Variants in DCUN1D3 observed in about 807,000 individuals in gnomAD.
The protein encoded by DCUN1D3 is DCN1-like protein 3.
DCUN1D3 carries 6 observed loss-of-function variants against 24.8 expected under a neutral mutation model. That is an observed-to-expected ratio of 0.24 (90% CI 0.13 to 0.48). DCUN1D3 has a LOEUF of 0.48. Among genes scored for constraint, DCUN1D3 ranks in the 20% least tolerant of loss-of-function variants. The pLI is 0.99. For synonymous variants in DCUN1D3, 120 were observed against 144.9 expected, an observed-to-expected ratio of 0.83 and a Z score of 1.24; for missense variants, 258 against 379.4, an observed-to-expected ratio of 0.68 and a Z score of 2.66.
chr16:20,889,327 G>A lies in DCUN1D3; in HGVS notation c.-106+10877C>T, dbSNP rs571554662. Among the ~76,000 whole-genome samples the A allele has an allele frequency of 6.6e-5, 10 of 152,240 alleles. No homozygotes were observed. In the South Asian group the frequency reaches 2.1e-3, roughly 32 times the overall value. On this transcript the variant is annotated intron_variant, in intron 1 of 2. Coordinates refer to ENST00000324344, the MANE Select transcript of DCUN1D3 (RefSeq NM_173475.4). ...GAATCGCTTGAACCTGGGAGGGAGA[G>A]GTTGCAGTGAGCTAAGATCGTGCCA...
chr16:20,862,479 T>G lies in DCUN1D3; in HGVS notation c.60A>C (p.Gly20=), dbSNP rs372726114. 3.9e-5 allele frequency: 63 copies of G among 1,611,838 alleles called. No individual in the cohort carries two copies. Among genetic ancestry groups the G allele is most frequent in the Non-Finnish European group, 4.4e-5 (52 of 1,180,006 alleles). ...GTGACTTGTTGCTGGGCTCACGGTCTCCATTTTTGCTGCCCAGGGTCGATG... is the reference window on the plus strand; with the variant it reads ...GTGACTTGTTGCTGGGCTCACGGTCGCCATTTTTGCTGCCCAGGGTCGATG... ...NPSSTLGSKN[G]DREPSNKSHS... is the part of the protein sequence containing the mutation. Residue 20 remains glycine, a synonymous_variant, in exon 2 of 3, where the codon GGA becomes GGC. Transcript: ENST00000324344.
At chr16:20,899,711 T>C (rs1022942755) in intron 1 of DCUN1D3, among the ~76,000 whole-genome samples, 1 of 152,188 alleles carries the variant, frequency 6.6e-6, no homozygotes, top group Admixed American at 6.5e-5. Flanking sequence ...TCCAGCCTCA[T>C]TACCTCGGAC....
chr16:20,882,540 T>C (rs577510785), intron 1 of DCUN1D3, among the ~76,000 whole-genome samples: 7 of 151,478 alleles, frequency 4.6e-5, no homozygotes, highest in Admixed American at 3.9e-4. Context: ...GCTGGGATTA[T>C]AGGCGTGAGC....
chr16:20,870,787 A>G (rs1008921874), intron 1 of DCUN1D3, among the ~76,000 whole-genome samples: 1 of 152,190 alleles, frequency 6.6e-6, no homozygotes, highest in African/African-American at 2.4e-5. Context: ...TTTCATCTAA[A>G]TAGTTTGTAG....
intron 1 of DCUN1D3, among the ~76,000 whole-genome samples, chr16:20,897,089 A>T (rs1355580076): frequency 6.6e-6 from 1 of 152,234 alleles, no homozygotes; most frequent in East Asian, 1.9e-4. Flanking sequence ...AGCATTTCTA[A>T]TACTGAGTTT....
At chr16:20,864,135 ATTAAAC>A (rs962693864) in intron 1 of DCUN1D3, among the ~76,000 whole-genome samples, 1 of 152,210 alleles carries the variant, frequency 6.6e-6, no homozygotes, top group African/African-American at 2.4e-5. Context: ...ATCCATAATA[ATTAAAC>A]TTAAGAGCTT....
chr16:20,870,832 A>G (rs1314342353), intron 1 of DCUN1D3, among the ~76,000 whole-genome samples: 1 of 152,136 alleles, frequency 6.6e-6, no homozygotes, highest in Admixed American at 6.5e-5. Flanking sequence ...TTCTTCCTAC[A>G]TATGTCAGAT....
At chr16:20,876,050 A>G (rs980988315) in intron 1 of DCUN1D3, among the ~76,000 whole-genome samples, 3 of 152,080 alleles carry the variant, frequency 2.0e-5, no homozygotes, top group Non-Finnish European at 2.9e-5. Context: ...ACTGCAACCA[A>G]TCACCTCCGA....
intron 1 of DCUN1D3, among the ~76,000 whole-genome samples, chr16:20,899,135 G>C (rs2081940787): frequency 6.6e-6 from 1 of 152,168 alleles, no homozygotes; most frequent in Non-Finnish European, 1.5e-5. Context: ...ACATAAAAGA[G>C]CTATTGTCCA....
chr16:20,867,856 C>T (rs2081770097), intron 1 of DCUN1D3, among the ~76,000 whole-genome samples: 1 of 152,218 alleles, frequency 6.6e-6, no homozygotes, highest in African/African-American at 2.4e-5. Context: ...GATTATCTTG[C>T]CACAGCACTG....
Position 20,862,332 on chromosome 16 carries a change from T to G in DCUN1D3, c.207A>C (p.Pro69=). ...AEAATEACQL[P]TSSGDAGRES... is the part of the protein sequence containing the mutation. ...CCCTCCCAGCATCTCCCGAGGACGT[T>G]GGCAGCTGGCAGGCCTCAGTGGCAG... is the stretch of plus-strand genomic sequence containing the variant. Residue 69 remains proline (P), a synonymous_variant, in exon 2 of 3, where the codon CCA becomes CCC. Transcript: ENST00000324344. 6.2e-7 allele frequency: 1 copy of G among 1,614,202 alleles called. No individual in the cohort carries two copies. Among genetic ancestry groups the G allele is most frequent in the Non-Finnish European group, 8.5e-7 (1 of 1,180,030 alleles).
At chr16:20,893,083 C>A (rs1456479710) in intron 1 of DCUN1D3, among the ~76,000 whole-genome samples, 1 of 152,146 alleles carries the variant, frequency 6.6e-6, no homozygotes, top group Non-Finnish European at 1.5e-5. Flanking sequence ...TGCAGTGCAA[C>A]AGACAGAACA....
intron 1 of DCUN1D3, among the ~76,000 whole-genome samples, chr16:20,873,421 T>G (rs1366076996): frequency 6.6e-6 from 1 of 152,148 alleles, no homozygotes; most frequent in East Asian, 1.9e-4. Flanking sequence ...GCCCATGGAT[T>G]GAGTGATTCA....
chr16:20,893,439 CT>C, intron 1 of DCUN1D3, among the ~76,000 whole-genome samples: 1 of 152,312 alleles, frequency 6.6e-6, no homozygotes, highest in East Asian at 1.9e-4. Context: ...TCCCAAAGTA[CT>C]GGGATTACAC....
intron 1 of DCUN1D3, among the ~76,000 whole-genome samples, chr16:20,879,564 T>A (rs2081832537): frequency 6.6e-6 from 1 of 152,168 alleles, no homozygotes; most frequent in South Asian, 2.1e-4. Flanking sequence ...ATTGCTAACA[T>A]CCAATCTTGA....
intron 1 of DCUN1D3, among the ~76,000 whole-genome samples, chr16:20,897,281 A>C (rs1163527935): frequency 1.3e-5 from 2 of 152,234 alleles, no homozygotes; most frequent in African/African-American, 4.8e-5. Context: ...GGGCCTCTCA[A>C]GTGGACGGTC....
intron 1 of DCUN1D3, among the ~76,000 whole-genome samples, chr16:20,875,861 A>G (rs2081812196): frequency 6.6e-6 from 1 of 152,226 alleles, no homozygotes; most frequent in African/African-American, 2.4e-5. Context: ...ATGGGAAAAA[A>G]AATCTGCAAA....
At chr16:20,885,317 C>G (rs2081863630) in intron 1 of DCUN1D3, among the ~76,000 whole-genome samples, 1 of 152,060 alleles carries the variant, frequency 6.6e-6, no homozygotes, top group Non-Finnish European at 1.5e-5. Flanking sequence ...TAACACTTGG[C>G]ACAGGGACCT....
chr16:20,882,690 G>A (rs1377554039), intron 1 of DCUN1D3, among the ~76,000 whole-genome samples: 1 of 152,236 alleles, frequency 6.6e-6, no homozygotes, highest in East Asian at 1.9e-4. Context: ...ATTGGAACAA[G>A]TAGCTGGCAA....
Sources: gnomAD v4.1 joint callset for allele counts (sites outside exome capture counted in the v4.1 genomes callset) on GRCh38, gnomAD v4.1.1 for gene constraint, MANE v1.5 for transcripts, NCBI Gene and HGNC (gene_info 2026-07-23, HGNC 2026-07-21) for gene names.